Variants in TRPM3 observed in about 807,000 individuals in gnomAD.
TRPM3 encodes the protein transient receptor potential cation channel subfamily M member 3.
A neutral mutation model predicts 181.2 loss-of-function variants in TRPM3; 77 were observed. That is an observed-to-expected ratio of 0.42 (90% confidence interval 0.35 to 0.51). TRPM3 has a LOEUF of 0.51. TRPM3 is among the 20% of genes least tolerant of loss of function. The probability of loss-of-function intolerance (pLI) is 0.01; values close to 1 mark genes in which losing one functional copy is unlikely to be tolerated. For synonymous variants in TRPM3, 745 were observed against 796.4 expected, an observed-to-expected ratio of 0.94 and a Z score of 1.09; for missense variants, 1,759 against 2,196.7, an observed-to-expected ratio of 0.80 and a Z score of 3.98.
At chr9:71,104,926 G>C (rs57681686) in intron 1 of TRPM3, among the ~76,000 whole-genome samples, 12,732 of 152,130 alleles carry the variant, frequency 0.084, 1,150 homozygotes, top group African/African-American at 0.23. Flanking sequence ...CAAACTCTTT[G>C]GCAGTTCCTA....
chr9:71,061,519 GT>G (rs1053996835), intron 1 of TRPM3, among the ~76,000 whole-genome samples: 3 of 152,088 alleles, frequency 2.0e-5, no homozygotes, highest in African/African-American at 7.2e-5. Flanking sequence ...TGCCTAAAAT[GT>G]TTGAAAACAA....
chr9:71,412,332 T>A (rs1565547361), intron 1 of TRPM3, among the ~76,000 whole-genome samples: 1 of 151,918 alleles, frequency 6.6e-6, no homozygotes, highest in South Asian at 2.1e-4. Flanking sequence ...TGGGAAAAAT[T>A]TTTTGCAACC....
At chr9:71,233,528 T>C (rs1267080115) in intron 1 of TRPM3, among the ~76,000 whole-genome samples, 3 of 152,052 alleles carry the variant, frequency 2.0e-5, no homozygotes, top group Non-Finnish European at 4.4e-5. Flanking sequence ...ATCTGCACCA[T>C]AAAAACAAAA....
At chr9:71,174,933 T>C (rs974130905) in intron 1 of TRPM3, among the ~76,000 whole-genome samples, 1 of 152,056 alleles carries the variant, frequency 6.6e-6, no homozygotes, top group African/African-American at 2.4e-5. Flanking sequence ...TCTTTAAAAG[T>C]AGAAGAGGAG....
chr9:70,741,726 G>GA (rs1292646732), intron 8 of TRPM3, among the ~76,000 whole-genome samples: 1 of 152,158 alleles, frequency 6.6e-6, no homozygotes, highest in Non-Finnish European at 1.5e-5. Flanking sequence ...CTCAGGAATG[G>GA]AAAACAAAAC....
chr9:71,192,148 G>A (rs973971658), intron 1 of TRPM3, among the ~76,000 whole-genome samples: 8 of 151,586 alleles, frequency 5.3e-5, no homozygotes, highest in African/African-American at 9.7e-5. Context: ...ACATCCAAAC[G>A]GTATCATTGT....
chr9:71,428,038 T>C (rs1257979115), intron 1 of TRPM3, among the ~76,000 whole-genome samples: 1 of 152,206 alleles, frequency 6.6e-6, no homozygotes, highest in Non-Finnish European at 1.5e-5. Context: ...AGATAGAAAG[T>C]TCACAGGCAT....
At chr9:70,962,981 AAC>A (rs1712457513) in intron 1 of TRPM3, among the ~76,000 whole-genome samples, 1 of 152,128 alleles carries the variant, frequency 6.6e-6, no homozygotes, top group Non-Finnish European at 1.5e-5. Context: ...AATCTTTTGA[AAC>A]ACAAACCAGT....
At chr9:70,926,627 G>A (rs2133357944) in intron 1 of TRPM3, among the ~76,000 whole-genome samples, 1 of 152,246 alleles carries the variant, frequency 6.6e-6, no homozygotes. Context: ...CCCAGTCTTG[G>A]CTATCGATTA....
chr9:71,201,650 T>C (rs2078801360), intron 1 of TRPM3, among the ~76,000 whole-genome samples: 1 of 152,230 alleles, frequency 6.6e-6, no homozygotes, highest in Non-Finnish European at 1.5e-5. Context: ...ATACCCTTTC[T>C]TCCAGTTGAT....
intron 1 of TRPM3, among the ~76,000 whole-genome samples, chr9:71,045,603 A>G (rs492472): frequency 0.23 from 35,644 of 152,220 alleles, 4,959 homozygotes; most frequent in East Asian, 0.41. Context: ...AATGAGGATG[A>G]GGCAGGGGGA....
At chr9:71,385,871 AT>A (rs1205577800) in intron 1 of TRPM3, among the ~76,000 whole-genome samples, 6 of 151,192 alleles carry the variant, frequency 4.0e-5, no homozygotes, top group Non-Finnish European at 8.9e-5. Context: ...CACCTGGCTA[AT>A]TTTTTTTGGT....
At chr9:71,071,401 T>C (rs1015402688) in intron 1 of TRPM3, among the ~76,000 whole-genome samples, 4 of 152,166 alleles carry the variant, frequency 2.6e-5, no homozygotes, top group African/African-American at 9.7e-5. Flanking sequence ...TCATATAAGA[T>C]AGTGTTTAGG....
At chr9:71,393,880 T>C (rs2093125081) in intron 1 of TRPM3, among the ~76,000 whole-genome samples, 1 of 152,186 alleles carries the variant, frequency 6.6e-6, no homozygotes, top group East Asian at 1.9e-4. Context: ...ATTTTTCCCA[T>C]ATTTGAAAGA....
intron 1 of TRPM3, among the ~76,000 whole-genome samples, chr9:71,237,880 G>A (rs979866938): frequency 2.6e-5 from 4 of 152,202 alleles, no homozygotes; most frequent in Non-Finnish European, 5.9e-5. Context: ...AATGCTGCAT[G>A]AAGCCTCTTT....
chr9:70,835,481 C>T (rs1234275827), intron 5 of TRPM3, among the ~76,000 whole-genome samples: 2 of 151,974 alleles, frequency 1.3e-5, no homozygotes, highest in Non-Finnish European at 2.9e-5. Context: ...ACCCTGAGTC[C>T]TCTGCTTGGC....
chr9:71,339,668 CTATT>C (rs768205650), intron 1 of TRPM3, among the ~76,000 whole-genome samples: 8 of 152,004 alleles, frequency 5.3e-5, no homozygotes, highest in Non-Finnish European at 7.4e-5. Context: ...GCGTATGACT[CTATT>C]TAGTACTCTA....
At chr9:71,017,517 A>C (rs957526185) in intron 1 of TRPM3, among the ~76,000 whole-genome samples, 1 of 151,908 alleles carries the variant, frequency 6.6e-6, no homozygotes, top group Non-Finnish European at 1.5e-5. Flanking sequence ...TAAAATAGAA[A>C]GATGGAAAAT....
At chr9:71,044,009 T>C (rs1419263950) in intron 1 of TRPM3, among the ~76,000 whole-genome samples, 1 of 152,178 alleles carries the variant, frequency 6.6e-6, no homozygotes, top group Non-Finnish European at 1.5e-5. Flanking sequence ...TCTCTTTTTA[T>C]CTCACAATAT....
Sources: gnomAD v4.1 joint callset for allele counts (sites outside exome capture counted in the v4.1 genomes callset) on GRCh38, gnomAD v4.1.1 for gene constraint, MANE v1.5 for transcripts, NCBI Gene and HGNC (gene_info 2026-07-23, HGNC 2026-07-21) for gene names.